The following CUX1 variants were observed in gnomAD, a reference collection of about 807,000 sequenced individuals.
CUX1 encodes the protein protein CASP.
Under a neutral mutation model 158.8 loss-of-function variants are expected in CUX1, and 31 were observed. That is an observed-to-expected ratio of 0.20 (90% CI 0.15 to 0.26). CUX1 has a LOEUF of 0.26. Among genes scored for constraint, CUX1 ranks in the 10% least tolerant of loss-of-function variants. CUX1 has a pLI of 1.00. For missense variants in CUX1, 1,589 were observed against 2,014.6 expected (o/e 0.79, Z 4.04); for synonymous variants, 879 against 862.1 (o/e 1.02, Z -0.34).
intron 3 of CUX1, among the ~76,000 whole-genome samples, chr7:102,041,256 CTT>C (rs11427183): frequency 2.9e-5 from 2 of 69,916 alleles, no homozygotes; most frequent in East Asian, 5.4e-4. Flanking sequence ...CTTATCCATT[CTT>C]TTTTTTTTTT....
At chr7:101,972,730 C>T (rs1180111194) in intron 2 of CUX1, among the ~76,000 whole-genome samples, 2 of 152,206 alleles carry the variant, frequency 1.3e-5, no homozygotes, top group Non-Finnish European at 2.9e-5. Context: ...CCTCCTCCTC[C>T]AGGCCAGGCC....
At chr7:102,171,929 C>T (rs1353000361) in intron 10 of CUX1, among the ~76,000 whole-genome samples, 1 of 152,196 alleles carries the variant, frequency 6.6e-6, no homozygotes, top group Admixed American at 6.5e-5. Context: ...CCGTCAAGCC[C>T]TTGCCGTATG....
intron 2 of CUX1, among the ~76,000 whole-genome samples, chr7:101,963,650 G>GTATA (rs147828469): frequency 2.4e-4 from 36 of 151,000 alleles, no homozygotes; most frequent in Admixed American, 1.1e-3. Flanking sequence ...ACAAGCCTAT[G>GTATA]TATATATATA....
intron 1 of CUX1, among the ~76,000 whole-genome samples, chr7:101,823,990 C>G (rs1204087856): frequency 6.6e-6 from 1 of 152,196 alleles, no homozygotes; most frequent in Non-Finnish European, 1.5e-5. Context: ...AAAAGCAAGA[C>G]AATTTTTCTT....
At chr7:102,047,831 A>G (rs1823005577) in intron 3 of CUX1, among the ~76,000 whole-genome samples, 3 of 152,128 alleles carry the variant, frequency 2.0e-5, no homozygotes, top group Admixed American at 6.6e-5. Context: ...CATCAATTTA[A>G]TGCAGTCGTT....
At chr7:101,840,917 G>A (rs190010338) in intron 1 of CUX1, among the ~76,000 whole-genome samples, 1,877 of 150,812 alleles carry the variant, frequency 0.012, 43 homozygotes, top group African/African-American at 0.043. Flanking sequence ...TTTTTGAGAC[G>A]GAGTCTTGCT....
intron 4 of CUX1, among the ~76,000 whole-genome samples, chr7:102,081,363 G>A (rs1489973932): frequency 8.2e-6 from 1 of 122,452 alleles, no homozygotes; most frequent in Non-Finnish European, 2.0e-5. Flanking sequence ...ACCTCAAATT[G>A]TAATCTCCAC....
At chr7:102,165,456 A>G (rs953105641) in intron 9 of CUX1, among the ~76,000 whole-genome samples, 1 of 149,016 alleles carries the variant, frequency 6.7e-6, no homozygotes, top group Non-Finnish European at 1.5e-5. Context: ...AGATTCAAGC[A>G]ATTCTCATGC....
chr7:102,072,496 A>G (rs115431641), intron 4 of CUX1, among the ~76,000 whole-genome samples: 5,406 of 152,294 alleles, frequency 0.035, 317 homozygotes, highest in African/African-American at 0.12. Context: ...GTTGCAACCA[A>G]TCAGAGGCTG....
intron 2 of CUX1, among the ~76,000 whole-genome samples, chr7:101,990,659 G>C (rs1814988415): frequency 6.6e-6 from 1 of 151,582 alleles, no homozygotes; most frequent in African/African-American, 2.4e-5. Flanking sequence ...TTACAGGTGT[G>C]AGTCACCGCG....
At chr7:102,148,209 T>A (rs386207) in intron 8 of CUX1, among the ~76,000 whole-genome samples, 30,897 of 151,842 alleles carry the variant, frequency 0.2, 5,066 homozygotes, top group African/African-American at 0.45. Context: ...CCCAGGCCTG[T>A]AGGTGGGACA....
intron 5 of CUX1, among the ~76,000 whole-genome samples, chr7:102,101,798 G>T (rs1554486465): frequency 2.0e-5 from 3 of 152,032 alleles, no homozygotes; most frequent in African/African-American, 7.2e-5. Context: ...TGTAATCCCA[G>T]CTCTTCGGGA....
rs372620089 is a variant in CUX1 at position 101,928,846 on chromosome 7, A to G, written c.141+12621A>G. 3.4e-5 allele frequency among the ~76,000 whole-genome samples: 5 copies of G among 145,022 alleles called. No individual in the cohort carries two copies. The East Asian group carries it at 1.1e-3, about 31-fold the overall frequency. The stretch of plus-strand genomic sequence containing the variant: ...CCACTACGCCCGGCTAATTTTTTGT[A>G]TTTTTAGTAGAGACGGGGTTTCACC... On this transcript the variant is annotated intron_variant, in intron 2 of 23. Transcript: ENST00000292535.
intron 1 of CUX1, among the ~76,000 whole-genome samples, chr7:101,825,634 A>G (rs1793164970): frequency 6.6e-6 from 1 of 152,136 alleles, no homozygotes; most frequent in African/African-American, 2.4e-5. Context: ...GGATATTGCC[A>G]GTTATGGTTG....
At chr7:102,099,929 G>A (rs1829609738) in intron 5 of CUX1, among the ~76,000 whole-genome samples, 1 of 151,966 alleles carries the variant, frequency 6.6e-6, no homozygotes, top group Admixed American at 6.6e-5. Flanking sequence ...TCTCCCCAAA[G>A]ATCTCATCCA....
intron 6 of CUX1, among the ~76,000 whole-genome samples, chr7:102,109,295 G>A (rs782580580): frequency 2.4e-4 from 36 of 152,000 alleles, no homozygotes; most frequent in Non-Finnish European, 4.0e-4. Flanking sequence ...AACAAAATCC[G>A]CTCTACAAAA....
chr7:102,124,553 A>G (rs1366137468), intron 8 of CUX1, among the ~76,000 whole-genome samples: 7 of 152,192 alleles, frequency 4.6e-5, no homozygotes, highest in African/African-American at 1.7e-4. Flanking sequence ...CATCTGGGGG[A>G]TGTTACATTA....
At chr7:102,118,600 T>C (rs1423053426) in intron 8 of CUX1, among the ~76,000 whole-genome samples, 1 of 152,140 alleles carries the variant, frequency 6.6e-6, no homozygotes, top group Non-Finnish European at 1.5e-5. Flanking sequence ...AAGATGGGTT[T>C]TGGAGAAAGA....
chr7:101,997,859 G>C (rs2129266274), intron 2 of CUX1, among the ~76,000 whole-genome samples: 1 of 151,308 alleles, frequency 6.6e-6, no homozygotes, highest in Middle Eastern at 3.4e-3. Context: ...TTTCACTGTT[G>C]GATAAGAGGT....
Sources: allele counts gnomAD v4.1 joint callset (sites outside exome capture counted in the v4.1 genomes callset), GRCh38; gene constraint gnomAD v4.1.1; transcripts MANE v1.5; gene names NCBI Gene and HGNC (gene_info 2026-07-23, HGNC 2026-07-21).